TMEM237: variants seen among roughly 807,000 people sequenced by gnomAD.
TMEM237 encodes transmembrane protein 237.
A neutral mutation model predicts 59.1 loss-of-function variants in TMEM237; 51 were observed. The ratio of observed to expected loss-of-function variants is 0.86; its 90% confidence interval spans 0.69 to 1.09. The LOEUF (loss-of-function observed/expected upper bound fraction) is 1.09, where lower values mean the gene tolerates loss of function less well. TMEM237 is among the 50% of genes least tolerant of loss of function. The probability of loss-of-function intolerance (pLI) is 0.00; values close to 1 mark genes in which losing one functional copy is unlikely to be tolerated. For synonymous variants in TMEM237, 140 were observed against 166.1 expected (o/e 0.84, Z 1.21); for missense variants, 475 against 478.3 (o/e 0.99, Z 0.06).
intron 5 of TMEM237, chr2:201,636,182 A>C (rs1687294321): frequency 6.6e-6 from 1 of 152,256 alleles, no homozygotes; most frequent in African/African-American, 2.4e-5. Flanking sequence ...ACATCCTTTA[A>C]TTACTGCAGC....
rs1202199961 is a variant in TMEM237, at chr2:201,629,820, T to C, written c.586A>G (p.Ile196Val). ...ACATCTATGTTTTCTGTGGTCTTTA[T>C]CAACTCTGAACGATCAGCAGCCTGG... ...RFQAADRSELIKTTENIDVSM... is the reference protein window; with the variant it reads ...RFQAADRSELVKTTENIDVSM... Residue 196 changes from isoleucine (I) to valine (V), a missense_variant, in exon 8 of 13, where the codon ATA becomes GTA. Ile to Val is a conservative substitution (Grantham distance 29). Coordinates refer to ENST00000409883, the MANE Select transcript of TMEM237 (RefSeq NM_001044385.3). 1.9e-6 allele frequency: 3 copies of C among 1,613,306 alleles called. No individual in the cohort carries two copies. Among genetic ancestry groups the C allele is most frequent in the Middle Eastern group, 1.6e-4 (1 of 6,082 alleles).
Position 201,643,233 on chromosome 2 carries a change from C to G in TMEM237, c.42+126G>C. 1 of 1,096,160 alleles carries G rather than the reference C, an allele frequency of 9.1e-7. No individual in the cohort carries two copies. The highest frequency in any genetic ancestry group is 1.6e-5 in the African/African-American group (1 of 61,516). The allele number at this position is 1,096,160 out of a possible 1,614,324, so 67.9% of individuals were successfully genotyped here. ...ACTGGAGGGGCGGATGCGCGCACCC[C>G]ACGAGCAAGGCCCTCCCTTAGTGAT... On this transcript the variant is annotated intron_variant, in intron 1 of 12. Coordinates refer to ENST00000409883, the MANE Select transcript of TMEM237 (RefSeq NM_001044385.3). This position sits in a 1 kb window ranked among gnomAD's most constrained non-coding sequence, Gnocchi z 4.3.
intron 5 of TMEM237, chr2:201,634,503 T>C (rs1687257129): frequency 6.6e-6 from 1 of 152,380 alleles, no homozygotes; most frequent in South Asian, 2.1e-4. Context: ...CCTTTTTGAT[T>C]CAAAACTTAG....
rs1207215977 is a variant in TMEM237 at position 201,643,479 on chromosome 2, G to A, written c.-79C>T. On this transcript the variant is annotated 5_prime_UTR_variant, in exon 1 of 13. Transcript: ENST00000409883. This position sits in a 1 kb window ranked among gnomAD's most constrained non-coding sequence, Gnocchi z 4.3. ...CTCCCCGCGACGCAGCGGCCTCCGG[G>A]ACCTGTGGGACGCCGGGGCTTCGTG... 1 of 1,244,298 alleles carries A rather than the reference G, an allele frequency of 8.0e-7. No individual in the cohort carries two copies. Among genetic ancestry groups the A allele is most frequent in the East Asian group, 3.2e-5 (1 of 31,176 alleles). The allele number at this position is 1,244,298 out of a possible 1,614,324, so 77.1% of individuals were successfully genotyped here.
rs1224947153 is a variant in TMEM237, at chr2:201,626,244, C to T, written c.1038-97G>A. 2.3e-6 allele frequency: 3 copies of T among 1,298,982 alleles called. No homozygotes were observed. The African/African-American group carries it at 4.5e-5, about 20-fold the overall frequency. 80.5% of individuals were successfully genotyped at this position (1,298,982 alleles called of 1,614,324 possible). On this transcript the variant is annotated intron_variant, in intron 11 of 12. Coordinates refer to ENST00000409883, the MANE Select transcript of TMEM237 (RefSeq NM_001044385.3). ...AACTTTAAGAAAAAACAGCAGTCCT[C>T]TCCTAGAGAAATAACAAGTAAAGTG...
chr2:201,642,615 A>T (rs1559591685), intron 1 of TMEM237: 5 of 1,608,848 alleles, frequency 3.1e-6, no homozygotes, highest in Non-Finnish European at 4.2e-6. Flanking sequence ...TTACCACAGG[A>T]TTCTTCCCCA....
In TMEM237 at chr2:201,635,063, A is replaced by G. The variant is rs1000681966; in HGVS notation, c.275-1632T>C. On this transcript the variant is annotated intron_variant, in intron 5 of 12. Transcript: ENST00000409883. The surrounding 1 kb of genome is among the most constrained non-coding windows in gnomAD (Gnocchi z 4.5). ...AGTCATAATGCTCAAAATATAAAAAATTAGTAAAATAAATGAAGGAAGAAA... is the reference window on the plus strand; with the variant it reads ...AGTCATAATGCTCAAAATATAAAAAGTTAGTAAAATAAATGAAGGAAGAAA... Among the ~76,000 whole-genome samples the G allele has an allele frequency of 6.6e-6, 1 of 152,240 alleles. No individual in the cohort carries two copies. The highest frequency in any genetic ancestry group is 1.5e-5 in the Non-Finnish European group (1 of 68,046).
chr2:201,639,388 A>G (rs572764336), intron 3 of TMEM237, among the ~76,000 whole-genome samples: 10 of 152,344 alleles, frequency 6.6e-5, no homozygotes, highest in Non-Finnish European at 1.2e-4. Flanking sequence ...GATCTGTGTC[A>G]TTTCAGAGCC....
intron 1 of TMEM237, chr2:201,642,660 C>G: frequency 3.7e-6 from 6 of 1,607,990 alleles, no homozygotes; most frequent in Non-Finnish European, 5.1e-6. Flanking sequence ...GCCGCCGGCC[C>G]CCAAGCACCT....
intron 2 of TMEM237, 50 bp from the exon 3 acceptor site, chr2:201,640,315 A>G: frequency 6.6e-7 from 1 of 1,508,682 alleles, no homozygotes; most frequent in Non-Finnish European, 8.8e-7. Context: ...GACAAAGACA[A>G]AAAAGAAACA....
At chr2:201,627,298 C>T (rs759455660) in intron 11 of TMEM237, 23 bp downstream of exon 11, 14 of 1,529,654 alleles carry the variant, frequency 9.2e-6, no homozygotes, top group South Asian at 1.2e-5. Flanking sequence ...TTAACAATTG[C>T]TAATGTCATT....
At chr2:201,637,572 C>T (rs1445708229) in intron 4 of TMEM237, among the ~76,000 whole-genome samples, 2 of 151,804 alleles carry the variant, frequency 1.3e-5, no homozygotes, top group Non-Finnish European at 2.9e-5. Flanking sequence ...GGCAAAACTC[C>T]CTCTCTACTA....
Position 201,626,269 on chromosome 2 carries a change from G to A in TMEM237, c.1038-122C>T, listed in dbSNP as rs934926603. On this transcript the variant is annotated intron_variant, in intron 11 of 12. Coordinates refer to ENST00000409883, the MANE Select transcript of TMEM237 (RefSeq NM_001044385.3). ...CTCCTAGAGAAATAACAAGTAAAGT[G>A]TGAAAGAAAATATAATTTCCCTGTA... 32 of 1,069,498 alleles carry A rather than the reference G, an allele frequency of 3.0e-5. No individual in the cohort carries two copies. In the African/African-American group the frequency reaches 3.5e-4, roughly 12 times the overall value. The allele number at this position is 1,069,498 out of a possible 1,614,324, so 66.3% of individuals were successfully genotyped here.
Position 201,629,613 on chromosome 2 carries a change from A to G in TMEM237, c.677+116T>C, listed in dbSNP as rs140139978. The G allele has an allele frequency of 2.5e-3, 3,478 of 1,417,440 alleles. 15 individuals carry two copies. The highest frequency in any genetic ancestry group is 0.024 in the Middle Eastern group (117 of 4,970). The allele number at this position is 1,417,440 out of a possible 1,614,324, so 87.8% of individuals were successfully genotyped here. A position where few individuals can be genotyped will look rare whatever the true frequency, so the allele number is the denominator to read the frequency against. The stretch of plus-strand genomic sequence containing the variant: ...GGATGTTTAAAAAATATACCTACCT[A>G]CCATTTTAAGTTGTGATTTCATTAA... On this transcript the variant is annotated intron_variant, in intron 8 of 12. Coordinates refer to ENST00000409883, the MANE Select transcript of TMEM237 (RefSeq NM_001044385.3).
chr2:201,624,342 G>A lies in TMEM237; in HGVS notation c.1160-20C>T. The A allele has an allele frequency of 6.3e-7, 1 of 1,597,368 alleles. No individual in the cohort carries two copies. The highest frequency in any genetic ancestry group is 8.6e-7 in the Non-Finnish European group (1 of 1,168,434). On this transcript the variant is annotated intron_variant, in intron 12 of 12. Coordinates refer to ENST00000409883, the MANE Select transcript of TMEM237 (RefSeq NM_001044385.3). ...TTAACTCTGGAGAAGAAAATGAACA[G>A]ATCATACTTAAAATTGTTTCCCAGT...
At chr2:201,639,111 A>G in intron 3 of TMEM237, 66 bp from the exon 4 acceptor site, 1 of 1,430,322 alleles carries the variant, frequency 7.0e-7, no homozygotes, top group South Asian at 1.3e-5. Context: ...AACAGTCAGA[A>G]GAGAACTTTT....
chr2:201,637,563 G>A (rs1687321922), intron 4 of TMEM237, among the ~76,000 whole-genome samples: 1 of 151,958 alleles, frequency 6.6e-6, no homozygotes. Flanking sequence ...GACCAACATG[G>A]CAAAACTCCC....
Position 201,623,965 on chromosome 2 carries a change from TA to T in TMEM237, c.*289del. 4.4e-6 allele frequency: 1 copy of T among 229,184 alleles called. No homozygotes were observed. Among genetic ancestry groups the T allele is most frequent in the Non-Finnish European group, 8.5e-6 (1 of 118,286 alleles). The allele number at this position is 229,184 out of a possible 1,614,324, so 14.2% of individuals were successfully genotyped here. A position where few individuals can be genotyped will look rare whatever the true frequency, so the allele number is the denominator to read the frequency against. On this transcript the variant is annotated 3_prime_UTR_variant, in exon 13 of 13. Transcript: ENST00000409883. ...TTTTCTAAACCAGTGCTTTTTAAGGTAATAGTTATAAATACAACTGTTTTGA... is the reference window on the plus strand; with the variant it reads ...TTTTCTAAACCAGTGCTTTTTAAGGTATAGTTATAAATACAACTGTTTTGA...
Position 201,643,274 on chromosome 2 carries a change from G to GGGCCC in TMEM237, c.42+84_42+85insGGGCC. On this transcript the variant is annotated intron_variant, in intron 1 of 12. Coordinates refer to ENST00000409883, the MANE Select transcript of TMEM237 (RefSeq NM_001044385.3). The surrounding 1 kb of genome is among the most constrained non-coding windows in gnomAD (Gnocchi z 4.3). Reference sequence around the variant, plus strand: ...CCTTAGTGATTCCCAGCTCGTTGGCGCCCCCCCACACACACCCACCCCCAC... The same window carrying GGGCCC: ...CCTTAGTGATTCCCAGCTCGTTGGCGGGCCCCCCCCCCACACACACCCACCCCCAC... 1 of 1,206,756 alleles carries GGGCCC rather than the reference G, an allele frequency of 8.3e-7. No individual in the cohort carries two copies. Among genetic ancestry groups the GGGCCC allele is most frequent in the Non-Finnish European group, 1.2e-6 (1 of 849,318 alleles). 74.8% of individuals were successfully genotyped at this position (1,206,756 alleles called of 1,614,324 possible). A position where few individuals can be genotyped will look rare whatever the true frequency, so the allele number is the denominator to read the frequency against.
Sources: allele counts gnomAD v4.1 joint callset (sites outside exome capture counted in the v4.1 genomes callset), GRCh38; gene constraint gnomAD v4.1.1; non-coding constraint Gnocchi (gnomAD v3.1); transcripts MANE v1.5; gene names NCBI Gene and HGNC (gene_info 2026-07-23, HGNC 2026-07-21).